The following SLC25A31 variants were observed in gnomAD, a reference collection of about 807,000 sequenced individuals.
SLC25A31 encodes ADP/ATP translocase 4.
Under a neutral mutation model 36.2 loss-of-function variants are expected in SLC25A31, and 40 were observed. The ratio of observed to expected loss-of-function variants is 1.10; its 90% CI spans 0.86 to 1.44. SLC25A31 has a LOEUF of 1.44. Ranked by LOEUF, SLC25A31 falls within the 40% of genes most tolerant of loss-of-function variation. The pLI is 0.00. For synonymous variants in SLC25A31, 143 were observed against 149.7 expected (o/e 0.96, Z 0.32); for missense variants, 350 against 397.1 (o/e 0.88, Z 1.01).
In SLC25A31 at chr4:127,764,310, T is replaced by G; in HGVS notation, c.428T>G (p.Val143Gly). 1 of 1,614,138 alleles carries G rather than the reference T, an allele frequency of 6.2e-7. No individual in the cohort carries two copies. The highest frequency in any genetic ancestry group is 8.5e-7 in the Non-Finnish European group (1 of 1,179,994). The change falls in exon 3 of 6, where the codon GTA becomes GGA. Residue 143 changes from valine (V) to glycine (G), a missense_variant. By Grantham distance (109) the Val-to-Gly change is moderately radical (BLOSUM62 -3). Coordinates refer to ENST00000281154, the MANE Select transcript of SLC25A31 (RefSeq NM_031291.4). ...GCTGGGGCAACATCCTTATGTGTAG[T>G]ATATCCTCTAGATTTTGCCCGAACC... is the stretch of plus-strand genomic sequence containing the variant. ...GAAGATSLCV[V>G]YPLDFARTRL... is the part of the protein sequence containing the mutation.
rs563752159 is a variant in SLC25A31 at position 127,751,775 on chromosome 4, T to C, written c.360+6976T>C. Among the ~76,000 whole-genome samples, 393 of 152,184 alleles carry C rather than the reference T, an allele frequency of 2.6e-3. 3 individuals carry two copies. The highest frequency in any genetic ancestry group is 8.9e-3 in the African/African-American group (368 of 41,510). On this transcript the variant is annotated intron_variant, in intron 2 of 5. Coordinates refer to ENST00000281154, the MANE Select transcript of SLC25A31 (RefSeq NM_031291.4). The stretch of plus-strand genomic sequence containing the variant: ...TGGGCAAAAGATATGAACAGACACT[T>C]CTCAAAAGAAGACATTTATGCAGCC...
intron 2 of SLC25A31, among the ~76,000 whole-genome samples, chr4:127,747,736 A>T (rs914633894): frequency 6.6e-6 from 1 of 152,182 alleles, no homozygotes; most frequent in Admixed American, 6.5e-5. Context: ...TTAAGCTGAC[A>T]GCTCTAATAA....
At chr4:127,757,276 C>T (rs762398156) in intron 2 of SLC25A31, among the ~76,000 whole-genome samples, 6 of 152,182 alleles carry the variant, frequency 3.9e-5, no homozygotes, top group Admixed American at 6.5e-5. Context: ...CTTTTTAACC[C>T]TTCCCCCACT....
At chr4:127,735,728 A>G (rs1433816072) in intron 1 of SLC25A31, among the ~76,000 whole-genome samples, 2 of 151,168 alleles carry the variant, frequency 1.3e-5, no homozygotes, top group Non-Finnish European at 2.9e-5. Flanking sequence ...ATAATTTATT[A>G]ATGTATACTA....
At chr4:127,732,191 C>T (rs1281785124) in intron 1 of SLC25A31, among the ~76,000 whole-genome samples, 1 of 152,170 alleles carries the variant, frequency 6.6e-6, no homozygotes, top group Non-Finnish European at 1.5e-5. Context: ...AATGAAGTGG[C>T]TTCAACTCCA....
intron 2 of SLC25A31, among the ~76,000 whole-genome samples, chr4:127,745,853 A>G (rs1307304373): frequency 6.6e-6 from 1 of 152,116 alleles, no homozygotes; most frequent in African/African-American, 2.4e-5. Context: ...GGTTTGCTTT[A>G]TAGGTAATCT....
In SLC25A31 at chr4:127,731,790, A is replaced by G. The variant is rs1475892142; in HGVS notation, c.232+1013A>G. ...TCTTTATTTTTTCTATTAAACCTCC[A>G]CTCCTAAAAACAGGAAAAAAAAAAA... On this transcript the variant is annotated intron_variant, in intron 1 of 5. Coordinates refer to ENST00000281154, the MANE Select transcript of SLC25A31 (RefSeq NM_031291.4). 5.3e-5 allele frequency among the ~76,000 whole-genome samples: 8 copies of G among 150,410 alleles called. No homozygotes were observed. The South Asian group carries it at 6.3e-4, about 12-fold the overall frequency.
intron 1 of SLC25A31, among the ~76,000 whole-genome samples, chr4:127,740,994 A>G (rs1190100939): frequency 6.6e-6 from 1 of 152,042 alleles, no homozygotes. Context: ...ATTTATTCCT[A>G]ATGTTTCGTG....
intron 4 of SLC25A31, 140 bp downstream of exon 4, chr4:127,767,360 T>G: frequency 1.2e-6 from 1 of 839,000 alleles, no homozygotes; most frequent in Non-Finnish European, 1.7e-6. Flanking sequence ...AAATTCTGCT[T>G]AATCATGATT....
At chr4:127,742,956 T>G (rs185717775) in intron 1 of SLC25A31, among the ~76,000 whole-genome samples, 1 of 152,194 alleles carries the variant, frequency 6.6e-6, no homozygotes, top group East Asian at 1.9e-4. Context: ...GTTCAAAAAT[T>G]GTTACAGCAG....
At chr4:127,767,281 A>G in intron 4 of SLC25A31, 61 bp downstream of exon 4, 1 of 1,313,386 alleles carries the variant, frequency 7.6e-7, no homozygotes, top group East Asian at 2.6e-5. Flanking sequence ...TTTAATTAGT[A>G]ATGTTTTCAG....
chr4:127,762,381 T>C (rs969942031), intron 2 of SLC25A31, among the ~76,000 whole-genome samples: 1 of 152,110 alleles, frequency 6.6e-6, no homozygotes, highest in African/African-American at 2.4e-5. Flanking sequence ...TAAGCAAATA[T>C]ATAGAGACAG....
intron 3 of SLC25A31, 44 bp downstream of exon 3, chr4:127,764,404 T>G (rs1732200896): frequency 6.8e-7 from 1 of 1,476,258 alleles, no homozygotes; most frequent in Non-Finnish European, 9.5e-7. Context: ...CTTTGCATTT[T>G]GAACCATCTG....
In SLC25A31 at chr4:127,730,462, G is replaced by A. The variant is rs1341572660; in HGVS notation, c.-84G>A. The A allele has an allele frequency of 1.4e-6, 2 of 1,406,714 alleles. No individual in the cohort carries two copies. The highest frequency in any genetic ancestry group is 2.0e-6 in the Non-Finnish European group (2 of 1,015,258). 87.1% of individuals were successfully genotyped at this position (1,406,714 alleles called of 1,614,324 possible). On this transcript the variant is annotated 5_prime_UTR_variant, in exon 1 of 6. Coordinates refer to ENST00000281154, the MANE Select transcript of SLC25A31 (RefSeq NM_031291.4). ...TTCTCGCCAGTACGATGCTGCAGCGGTTTTCCGGTTTTCCGCTTCCCTTCA... is the reference window on the plus strand; with the variant it reads ...TTCTCGCCAGTACGATGCTGCAGCGATTTTCCGGTTTTCCGCTTCCCTTCA...
At chr4:127,766,795 A>C (rs1237378496) in intron 3 of SLC25A31, among the ~76,000 whole-genome samples, 1 of 152,216 alleles carries the variant, frequency 6.6e-6, no homozygotes, top group African/African-American at 2.4e-5. Context: ...CTCAATTAGT[A>C]ACTTCTGGTA....
intron 2 of SLC25A31, among the ~76,000 whole-genome samples, chr4:127,747,922 C>G (rs994852380): frequency 6.6e-6 from 1 of 152,140 alleles, no homozygotes; most frequent in African/African-American, 2.4e-5. Context: ...GGGAAGAGAC[C>G]TAGAGAAACC....
intron 2 of SLC25A31, among the ~76,000 whole-genome samples, chr4:127,747,700 G>A (rs573584942): frequency 2.7e-4 from 41 of 152,084 alleles, no homozygotes; most frequent in Non-Finnish European, 4.7e-4. Flanking sequence ...TTTATGACAG[G>A]CATTCAGTAA....
chr4:127,748,909 G>T (rs1731871415), intron 2 of SLC25A31, among the ~76,000 whole-genome samples: 1 of 152,070 alleles, frequency 6.6e-6, no homozygotes, highest in South Asian at 2.1e-4. Context: ...AACTAATAAT[G>T]CTCCAATAAC....
At chr4:127,740,065 A>G (rs1193925265) in intron 1 of SLC25A31, among the ~76,000 whole-genome samples, 2 of 151,894 alleles carry the variant, frequency 1.3e-5, no homozygotes, top group Admixed American at 6.6e-5. Context: ...GTCATTTCTG[A>G]GTTTCCATTT....
Sources: allele counts gnomAD v4.1 joint callset (sites outside exome capture counted in the v4.1 genomes callset), GRCh38; gene constraint gnomAD v4.1.1; transcripts MANE v1.5; gene names NCBI Gene and HGNC (gene_info 2026-07-23, HGNC 2026-07-21).